The following DNAJC1 variants were observed in gnomAD, a reference collection of about 807,000 sequenced individuals.
The protein encoded by DNAJC1 is DnaJ heat shock protein family (Hsp40) member C1, also known as dnaJ homolog subfamily C member 1.
A neutral mutation model predicts 76.6 loss-of-function variants in DNAJC1; 58 were observed. The ratio of observed to expected loss-of-function variants is 0.76; its 90% CI spans 0.61 to 0.94. The LOEUF is 0.94. DNAJC1 is among the 40% of genes least tolerant of loss of function. The pLI, the probability that DNAJC1 is intolerant of heterozygous loss-of-function variation, is 0.00. For missense variants in DNAJC1, 689 were observed against 677.3 expected, an observed-to-expected ratio of 1.02 and a Z score of -0.19; for synonymous variants, 258 against 267.9, an observed-to-expected ratio of 0.96 and a Z score of 0.36.
At chr10:21,760,160 G>A (rs1834224890) in intron 10 of DNAJC1, among the ~76,000 whole-genome samples, 1 of 152,188 alleles carries the variant, frequency 6.6e-6, no homozygotes, top group African/African-American at 2.4e-5. Flanking sequence ...GTATACACCT[G>A]TATTCCTAGC....
At chr10:21,914,159 T>G (rs1836915021) in intron 6 of DNAJC1, among the ~76,000 whole-genome samples, 1 of 152,238 alleles carries the variant, frequency 6.6e-6, no homozygotes, top group Non-Finnish European at 1.5e-5. Flanking sequence ...ATGCATCTTG[T>G]CCTTGAATAC....
At chr10:21,834,645 C>T (rs907244302) in intron 8 of DNAJC1, among the ~76,000 whole-genome samples, 5 of 152,194 alleles carry the variant, frequency 3.3e-5, no homozygotes, top group Admixed American at 2.6e-4. Flanking sequence ...TTCCAACGGA[C>T]TTAAAAAACG....
chr10:21,862,724 C>T (rs566308387), intron 8 of DNAJC1, among the ~76,000 whole-genome samples: 1 of 152,052 alleles, frequency 6.6e-6, no homozygotes, highest in South Asian at 2.1e-4. Flanking sequence ...CCACTGTGCC[C>T]GGTCATAAAC....
chr10:21,769,232 T>C (rs1834343597), intron 9 of DNAJC1, among the ~76,000 whole-genome samples: 1 of 152,222 alleles, frequency 6.6e-6, no homozygotes, highest in South Asian at 2.1e-4. Flanking sequence ...ACTTCTACCT[T>C]GGAATGCCAG....
chr10:21,848,657 AT>A, intron 8 of DNAJC1, among the ~76,000 whole-genome samples: 1 of 152,316 alleles, frequency 6.6e-6, no homozygotes, highest in Non-Finnish European at 1.5e-5. Flanking sequence ...CTACAGAACA[AT>A]CCATCCAATA....
At chr10:21,855,510 A>C (rs2131693236) in intron 8 of DNAJC1, among the ~76,000 whole-genome samples, 1 of 152,344 alleles carries the variant, frequency 6.6e-6, no homozygotes, top group South Asian at 2.1e-4. Context: ...GTATGTGATA[A>C]AAAACAATTT....
intron 1 of DNAJC1, among the ~76,000 whole-genome samples, chr10:21,976,126 A>G (rs1564842801): frequency 6.6e-6 from 1 of 151,994 alleles, no homozygotes; most frequent in Non-Finnish European, 1.5e-5. Flanking sequence ...ATACAATAAG[A>G]TTTTTTTTCA....
In DNAJC1 at chr10:21,849,164, G is replaced by A. The variant is rs145732416; in HGVS notation, c.978+33118C>T. On this transcript the variant is annotated intron_variant, in intron 8 of 11. Coordinates refer to ENST00000376980, the MANE Select transcript of DNAJC1 (RefSeq NM_022365.4). ...AAAAATTAGCCAGGCATGGTGGCAC[G>A]CACCTGTAATCCCAGCTACTCAGGA... Among the ~76,000 whole-genome samples the A allele has an allele frequency of 2.4e-4, 36 of 151,502 alleles. No homozygotes were observed. The East Asian group carries it at 3.5e-3, about 15-fold the overall frequency.
At chr10:21,784,507 C>T (rs184838493) in intron 9 of DNAJC1, among the ~76,000 whole-genome samples, 12 of 152,270 alleles carry the variant, frequency 7.9e-5, no homozygotes, top group Admixed American at 7.8e-4. Context: ...CCTCAAGGAT[C>T]TAGAACTAGA....
chr10:21,865,663 T>C (rs944664231), intron 8 of DNAJC1: 9 of 152,080 alleles, frequency 5.9e-5, no homozygotes, highest in Non-Finnish European at 1.2e-4. Context: ...CACAGGTATA[T>C]CTGTATGTCA....
chr10:21,838,490 G>T (rs1018153669), intron 8 of DNAJC1, among the ~76,000 whole-genome samples: 2 of 152,078 alleles, frequency 1.3e-5, no homozygotes, highest in African/African-American at 4.8e-5. Flanking sequence ...CACTGCAGAA[G>T]GCTGCAGGGT....
chr10:21,766,391 T>C (rs1834300392), intron 9 of DNAJC1, 82 bp from the exon 10 acceptor site: 6 of 1,024,960 alleles, frequency 5.9e-6, no homozygotes, highest in Non-Finnish European at 7.7e-6. Flanking sequence ...GTAAGCTCCA[T>C]GTGAATGAAC....
At chr10:21,798,319 T>C (rs888177094) in intron 9 of DNAJC1, among the ~76,000 whole-genome samples, 3 of 152,230 alleles carry the variant, frequency 2.0e-5, no homozygotes, top group African/African-American at 7.2e-5. Flanking sequence ...ACAATGCTTT[T>C]AGATCACTGC....
intron 9 of DNAJC1, among the ~76,000 whole-genome samples, chr10:21,776,681 A>G (rs934289369): frequency 2.6e-5 from 4 of 152,120 alleles, no homozygotes; most frequent in African/African-American, 7.2e-5. Context: ...TTATTTCTCT[A>G]ATGTCTTTAA....
chr10:21,787,259 T>C (rs1345225683), intron 9 of DNAJC1, among the ~76,000 whole-genome samples: 1 of 151,026 alleles, frequency 6.6e-6, no homozygotes, highest in African/African-American at 2.4e-5. Context: ...ACCCAGGAGG[T>C]AGAGGTTGCA....
intron 8 of DNAJC1, among the ~76,000 whole-genome samples, 161 bp from the exon 9 acceptor site, chr10:21,806,260 T>C (rs1288544927): frequency 6.6e-6 from 1 of 152,210 alleles, no homozygotes; most frequent in African/African-American, 2.4e-5. Context: ...ATAGTTTCAA[T>C]AAAGATTTGA....
At position 21,846,411 on chromosome 10, in the gene DNAJC1, C is replaced by G. The variant is rs985493623; in HGVS notation, c.978+35871G>C. The stretch of plus-strand genomic sequence containing the variant: ...TTAAAGTTTCCTCAATATGGTTGAC[C>G]AGGTATCTGGACCATCCCTGTGGCT... On this transcript the variant is annotated intron_variant, in intron 8 of 11. Transcript: ENST00000376980. Among the ~76,000 whole-genome samples, 4 of 151,924 alleles carry G rather than the reference C, an allele frequency of 2.6e-5. No individual in the cohort carries two copies. The South Asian group carries it at 8.3e-4, about 32-fold the overall frequency.
At chr10:21,940,596 TC>T (rs1374364733) in intron 1 of DNAJC1, among the ~76,000 whole-genome samples, 2 of 152,184 alleles carry the variant, frequency 1.3e-5, no homozygotes, top group Non-Finnish European at 2.9e-5. Context: ...ATACATTATG[TC>T]CCCTATTTTA....
intron 7 of DNAJC1, among the ~76,000 whole-genome samples, chr10:21,885,030 T>C (rs895508974): frequency 6.6e-6 from 1 of 152,030 alleles, no homozygotes; most frequent in African/African-American, 2.4e-5. Flanking sequence ...TAACCCTGAA[T>C]GTCAATGTGC....
Sources: allele counts gnomAD v4.1 joint callset (sites outside exome capture counted in the v4.1 genomes callset), GRCh38; gene constraint gnomAD v4.1.1; transcripts MANE v1.5; gene names NCBI Gene and HGNC (gene_info 2026-07-23, HGNC 2026-07-21).